The following GPATCH2 variants were observed in gnomAD, a reference collection of about 807,000 sequenced individuals.
The protein encoded by GPATCH2 is G-patch domain containing 2.
Under a neutral mutation model 58.0 loss-of-function variants are expected in GPATCH2, and 51 were observed. The ratio of observed to expected loss-of-function variants is 0.88; its 90% CI spans 0.70 to 1.11. The LOEUF is 1.11. Among genes scored for constraint, GPATCH2 ranks in the 50% most tolerant of loss-of-function variants. The pLI is 0.00. For missense variants in GPATCH2, 625 were observed against 652.2 expected, an observed-to-expected ratio of 0.96 and a Z score of 0.45; for synonymous variants, 222 against 218.5, an observed-to-expected ratio of 1.02 and a Z score of -0.14.
intron 6 of GPATCH2, among the ~76,000 whole-genome samples, chr1:217,513,947 T>C (rs1006711511): frequency 5.3e-5 from 8 of 151,444 alleles, no homozygotes; most frequent in Non-Finnish European, 1.2e-4. Flanking sequence ...GTCTCAGCTT[T>C]CCAAGTAGCT....
intron 8 of GPATCH2, among the ~76,000 whole-genome samples, chr1:217,454,911 G>C (rs545718033): frequency 1.3e-5 from 2 of 152,152 alleles, no homozygotes; most frequent in South Asian, 2.1e-4. Flanking sequence ...TGGGATTACA[G>C]GCCACTGCAC....
intron 5 of GPATCH2, among the ~76,000 whole-genome samples, chr1:217,554,209 G>A (rs139260691): frequency 6.6e-6 from 1 of 152,262 alleles, no homozygotes; most frequent in Non-Finnish European, 1.5e-5. Flanking sequence ...GTTTATTGTT[G>A]TGCACAGGGT....
At chr1:217,470,534 G>T (rs1215922471) in intron 8 of GPATCH2, among the ~76,000 whole-genome samples, 1 of 152,024 alleles carries the variant, frequency 6.6e-6, no homozygotes. Flanking sequence ...ATTCTAAGTG[G>T]CTGATAACTA....
intron 5 of GPATCH2, among the ~76,000 whole-genome samples, chr1:217,542,103 G>A (rs944390929): frequency 3.9e-5 from 6 of 152,168 alleles, no homozygotes; most frequent in Admixed American, 3.3e-4. Flanking sequence ...CAAAAGGGTC[G>A]AGATTATACA....
chr1:217,497,177 C>A (rs983469884), intron 7 of GPATCH2, among the ~76,000 whole-genome samples: 1 of 151,982 alleles, frequency 6.6e-6, no homozygotes, highest in Non-Finnish European at 1.5e-5. Flanking sequence ...TATCCTGATG[C>A]AACTTAATAC....
chr1:217,491,206 GA>G (rs1221604073), intron 8 of GPATCH2, among the ~76,000 whole-genome samples: 1 of 152,102 alleles, frequency 6.6e-6, no homozygotes, highest in East Asian at 1.9e-4. Flanking sequence ...CAAACTGGGA[GA>G]AATTCTTTGT....
chr1:217,458,187 G>A (rs547699842), intron 8 of GPATCH2, among the ~76,000 whole-genome samples: 78 of 152,216 alleles, frequency 5.1e-4, no homozygotes, highest in Non-Finnish European at 9.7e-4. Flanking sequence ...CCGAGATCGC[G>A]CCACTGCACT....
intron 5 of GPATCH2, among the ~76,000 whole-genome samples, chr1:217,538,034 C>A (rs1218400358): frequency 6.6e-6 from 1 of 152,094 alleles, no homozygotes; most frequent in Non-Finnish European, 1.5e-5. Context: ...ATTCTCTCAG[C>A]CCTACCTTTC....
At position 217,472,296 on chromosome 1, in the gene GPATCH2, CTTTTTTT is replaced by C. The variant is rs11326840; in HGVS notation, c.1277+19377_1277+19383del. On this transcript the variant is annotated intron_variant, in intron 8 of 9. Transcript: ENST00000366935. ...TCGCTTAGTGCATGTTTTCAACAGA[CTTTTTTT>C]TTTTTTTTTTTTTTTTGAGACAGAG... Among the ~76,000 whole-genome samples, 6 of 90,006 alleles carry C rather than the reference CTTTTTTT, an allele frequency of 6.7e-5. No individual in the cohort carries two copies. In the South Asian group the frequency reaches 1.5e-3, roughly 22 times the overall value. The allele number at this position is 90,006 out of a possible 152,430, so 59.0% of individuals were successfully genotyped here.
intron 5 of GPATCH2, among the ~76,000 whole-genome samples, chr1:217,572,013 G>GAAGA (rs1422110280): frequency 7.4e-6 from 1 of 135,710 alleles, no homozygotes; most frequent in African/African-American, 2.7e-5. Context: ...AGGAAGGAAG[G>GAAGA]AAGGAAGGAA....
chr1:217,552,409 G>A (rs984911313), intron 5 of GPATCH2, among the ~76,000 whole-genome samples: 1 of 152,018 alleles, frequency 6.6e-6, no homozygotes, highest in Non-Finnish European at 1.5e-5. Context: ...AGGGGTATGT[G>A]GCCTAATACA....
At chr1:217,575,874 T>C (rs1054484432) in intron 5 of GPATCH2, among the ~76,000 whole-genome samples, 6 of 152,178 alleles carry the variant, frequency 3.9e-5, no homozygotes, top group African/African-American at 1.4e-4. Context: ...TACTTACTTT[T>C]TGTGTTTTTT....
Position 217,523,487 on chromosome 1 carries a change from G to C in GPATCH2, c.1099-8598C>G, listed in dbSNP as rs980526130. Among the ~76,000 whole-genome samples the C allele has an allele frequency of 2.3e-4, 35 of 151,632 alleles. 1 individual carries two copies. Among genetic ancestry groups the C allele is most frequent in the Admixed American group, 8.5e-4 (13 of 15,288 alleles). ...ACATGTTTCAGAGAGCACAGGGTTG[G>C]GGGTAAGGTCACAGATCAACAGGAT... On this transcript the variant is annotated intron_variant, in intron 5 of 9. Coordinates refer to ENST00000366935, the MANE Select transcript of GPATCH2 (RefSeq NM_018040.5).
At chr1:217,444,626 C>T (rs1267861887) in intron 9 of GPATCH2, among the ~76,000 whole-genome samples, 3 of 152,036 alleles carry the variant, frequency 2.0e-5, no homozygotes, top group African/African-American at 4.8e-5. Flanking sequence ...AAAACACAAC[C>T]GAAGAGTGGG....
chr1:217,500,401 C>T (rs897646517), intron 6 of GPATCH2, among the ~76,000 whole-genome samples: 1 of 151,948 alleles, frequency 6.6e-6, no homozygotes, highest in Non-Finnish European at 1.5e-5. Context: ...TGGGTGTTCA[C>T]ATCATTTCTC....
intron 5 of GPATCH2, among the ~76,000 whole-genome samples, chr1:217,599,481 GCAGA>G (rs1447023213): frequency 6.6e-6 from 1 of 152,082 alleles, no homozygotes; most frequent in Non-Finnish European, 1.5e-5. Flanking sequence ...AAGAGTGGAG[GCAGA>G]CAAAGATAAC....
rs111893265 is a variant in GPATCH2, at chr1:217,537,538, A to G, written c.1099-22649T>C. 1.9e-4 allele frequency among the ~76,000 whole-genome samples: 29 copies of G among 152,140 alleles called. 2 individuals carry two copies. Among genetic ancestry groups the G allele is most frequent in the African/African-American group, 6.8e-4 (28 of 41,424 alleles). On this transcript the variant is annotated intron_variant, in intron 5 of 9. Coordinates refer to ENST00000366935, the MANE Select transcript of GPATCH2 (RefSeq NM_018040.5). ...CCCTGTCTCTCCTAACTATCCTCTCACTACTATCACTGTCCTGATGCTACT... is the reference window on the plus strand; with the variant it reads ...CCCTGTCTCTCCTAACTATCCTCTCGCTACTATCACTGTCCTGATGCTACT...
chr1:217,524,754 G>C (rs565908781), intron 5 of GPATCH2, among the ~76,000 whole-genome samples: 3 of 148,880 alleles, frequency 2.0e-5, no homozygotes, highest in African/African-American at 7.4e-5. Flanking sequence ...GCAGGCACTC[G>C]GCAGGCTTAG....
At chr1:217,567,455 C>A (rs533060480) in intron 5 of GPATCH2, among the ~76,000 whole-genome samples, 14 of 152,172 alleles carry the variant, frequency 9.2e-5, no homozygotes, top group Non-Finnish European at 2.1e-4. Context: ...TTTTGAAAAT[C>A]ATCTATGATA....
Sources: allele counts gnomAD v4.1 joint callset (sites outside exome capture counted in the v4.1 genomes callset), GRCh38; gene constraint gnomAD v4.1.1; transcripts MANE v1.5; gene names NCBI Gene and HGNC (gene_info 2026-07-23, HGNC 2026-07-21).